The following OXCT1 variants were observed in gnomAD, a reference collection of about 807,000 sequenced individuals.
OXCT1 encodes the protein succinyl-CoA:3-ketoacid coenzyme A transferase 1, mitochondrial.
A neutral mutation model predicts 69.6 loss-of-function variants in OXCT1; 27 were observed. The ratio of observed to expected loss-of-function variants is 0.39; its 90% CI spans 0.29 to 0.54. The LOEUF (loss-of-function observed/expected upper bound fraction) is 0.54, where lower values mean the gene tolerates loss of function less well. OXCT1 is among the 20% of genes least tolerant of loss of function. OXCT1 has a pLI of 0.72. For synonymous variants in OXCT1, 202 were observed against 217.8 expected (o/e 0.93, Z 0.64); for missense variants, 437 against 650.2 (o/e 0.67, Z 3.57).
At chr5:41,808,251 C>A (rs141566974) in intron 7 of OXCT1, among the ~76,000 whole-genome samples, 2 of 152,050 alleles carry the variant, frequency 1.3e-5, no homozygotes, top group Non-Finnish European at 2.9e-5. Context: ...GTGACACGCA[C>A]GCACACAAAC....
chr5:41,860,366 C>T (rs1435104918), intron 3 of OXCT1, among the ~76,000 whole-genome samples: 2 of 152,022 alleles, frequency 1.3e-5, no homozygotes, highest in Non-Finnish European at 2.9e-5. Context: ...GGCTAAAAGT[C>T]TCTAAAGGAA....
Position 41,762,409 on chromosome 5 carries a change from A to G in OXCT1, c.1249-209T>C, listed in dbSNP as rs1314392223. On this transcript the variant is annotated intron_variant, in intron 13 of 16. Transcript: ENST00000196371. The surrounding 1 kb of genome is among the most constrained non-coding windows in gnomAD (Gnocchi z 4.0). ...TCAGGATAAACATTACATCACTTTT[A>G]TTAAGTGTGGCTAATATGATTTTCT... 6.6e-6 allele frequency among the ~76,000 whole-genome samples: 1 copy of G among 152,090 alleles called. No homozygotes were observed. Among genetic ancestry groups the G allele is most frequent in the Non-Finnish European group, 1.5e-5 (1 of 68,000 alleles).
intron 14 of OXCT1, among the ~76,000 whole-genome samples, chr5:41,756,449 T>C (rs1744078245): frequency 6.6e-6 from 1 of 152,044 alleles, no homozygotes; most frequent in African/African-American, 2.4e-5. Context: ...TTTTATTGGG[T>C]TACTTAACCT....
chr5:41,750,926 A>C (rs1175350045), intron 14 of OXCT1, among the ~76,000 whole-genome samples: 3 of 152,152 alleles, frequency 2.0e-5, no homozygotes, highest in Admixed American at 6.6e-5. Flanking sequence ...TTTTAAAAAA[A>C]CTATTACTTT....
intron 14 of OXCT1, among the ~76,000 whole-genome samples, chr5:41,753,988 G>A (rs1399191768): frequency 6.6e-6 from 1 of 151,998 alleles, no homozygotes; most frequent in African/African-American, 2.4e-5. Flanking sequence ...GACAGATAAA[G>A]GTGTGATAAA....
intron 14 of OXCT1, among the ~76,000 whole-genome samples, chr5:41,750,117 A>G (rs1188136116): frequency 1.7e-5 from 2 of 120,234 alleles, no homozygotes; most frequent in East Asian, 2.3e-4. Flanking sequence ...ACTGGAATCC[A>G]TTCTAGTGTG....
intron 9 of OXCT1, among the ~76,000 whole-genome samples, chr5:41,803,472 G>A (rs1746518246): frequency 1.3e-5 from 2 of 151,966 alleles, no homozygotes; most frequent in Non-Finnish European, 1.5e-5. Context: ...TTGGGTTTAT[G>A]TATTATAACT....
chr5:41,809,761 G>A (rs1467958268), intron 7 of OXCT1, among the ~76,000 whole-genome samples: 1 of 152,012 alleles, frequency 6.6e-6, no homozygotes, highest in East Asian at 1.9e-4. Flanking sequence ...TCAAGACAAA[G>A]CTTCATTACC....
At chr5:41,782,844 G>C (rs578069211) in intron 13 of OXCT1, among the ~76,000 whole-genome samples, 8 of 152,326 alleles carry the variant, frequency 5.3e-5, no homozygotes, top group Non-Finnish European at 1.5e-5. Flanking sequence ...ACTACAGACA[G>C]AAGAGATAGG....
At chr5:41,781,922 C>T (rs1745422751) in intron 13 of OXCT1, among the ~76,000 whole-genome samples, 1 of 152,080 alleles carries the variant, frequency 6.6e-6, no homozygotes. Flanking sequence ...ACATAACACA[C>T]ACGTTTCTTT....
chr5:41,862,154 T>G (rs758050723), intron 2 of OXCT1, among the ~76,000 whole-genome samples: 5 of 152,140 alleles, frequency 3.3e-5, no homozygotes, highest in Non-Finnish European at 7.4e-5. Context: ...GAGGTTGCAG[T>G]AAACTGAGAT....
At chr5:41,834,786 T>G (rs1256751753) in intron 7 of OXCT1, among the ~76,000 whole-genome samples, 3 of 152,134 alleles carry the variant, frequency 2.0e-5, no homozygotes, top group Non-Finnish European at 4.4e-5. Flanking sequence ...GTCAGAGACA[T>G]AGGACTTAAT....
chr5:41,842,631 A>T, intron 6 of OXCT1, 44 bp downstream of exon 6: 1 of 1,299,086 alleles, frequency 7.7e-7, no homozygotes, highest in Non-Finnish European at 1.1e-6. Context: ...GTCCATTTTT[A>T]GAGTTGCTGA....
intron 3 of OXCT1, among the ~76,000 whole-genome samples, chr5:41,855,925 G>A (rs1749407445): frequency 6.6e-6 from 1 of 152,152 alleles, no homozygotes; most frequent in Non-Finnish European, 1.5e-5. Context: ...GTGTGGGGTG[G>A]AGGTGTAGAG....
intron 16 of OXCT1, among the ~76,000 whole-genome samples, chr5:41,733,434 A>C (rs1180095712): frequency 6.6e-6 from 1 of 151,852 alleles, no homozygotes. Flanking sequence ...TTTAGTAGAG[A>C]CGGGGTTTCT....
At chr5:41,774,556 C>T (rs143547682) in intron 13 of OXCT1, among the ~76,000 whole-genome samples, 2,060 of 152,230 alleles carry the variant, frequency 0.014, 100 homozygotes, top group South Asian at 0.079. Context: ...GACCAGCAAA[C>T]CTGAAAGAGC....
chr5:41,802,274 C>T (rs1182462990), intron 10 of OXCT1, among the ~76,000 whole-genome samples: 4 of 152,034 alleles, frequency 2.6e-5, no homozygotes, highest in African/African-American at 9.7e-5. Flanking sequence ...ATACATTTTC[C>T]ATATGCATAA....
intron 14 of OXCT1, among the ~76,000 whole-genome samples, chr5:41,755,472 C>A (rs1417858334): frequency 2.0e-5 from 3 of 152,120 alleles, no homozygotes; most frequent in African/African-American, 7.2e-5. Flanking sequence ...AGCTGAAACT[C>A]TTATTAATTA....
In OXCT1 at chr5:41,762,941, G is replaced by T. The variant is rs1416980967; in HGVS notation, c.1249-741C>A. Among the ~76,000 whole-genome samples the T allele has an allele frequency of 6.6e-6, 1 of 151,966 alleles. No homozygotes were observed. Among genetic ancestry groups the T allele is most frequent in the Non-Finnish European group, 1.5e-5 (1 of 67,990 alleles). On this transcript the variant is annotated intron_variant, in intron 13 of 16. Transcript: ENST00000196371. The surrounding 1 kb of genome is among the most constrained non-coding windows in gnomAD (Gnocchi z 4.0). ...TCTGTCTCCTGCTTACAGAGTTCTG[G>T]AAAAAGCAAGTGTTTCCAGAGATGA...
Sources: allele counts gnomAD v4.1 joint callset (sites outside exome capture counted in the v4.1 genomes callset), GRCh38; gene constraint gnomAD v4.1.1; non-coding constraint Gnocchi (gnomAD v3.1); transcripts MANE v1.5; gene names NCBI Gene and HGNC (gene_info 2026-07-23, HGNC 2026-07-21).